Variants in PEPD observed in about 807,000 individuals in gnomAD.
The protein encoded by PEPD is xaa-Pro dipeptidase.
PEPD carries 53 observed loss-of-function variants against 60.7 expected under a neutral mutation model. The ratio of observed to expected loss-of-function variants is 0.87; its 90% CI spans 0.70 to 1.10. The LOEUF (loss-of-function observed/expected upper bound fraction) is 1.10, where lower values mean the gene tolerates loss of function less well. PEPD is among the 50% of genes least tolerant of loss of function. The pLI is 0.00. For missense variants in PEPD, 711 were observed against 711.9 expected (o/e 1.00, Z 0.01); for synonymous variants, 267 against 284.1 (o/e 0.94, Z 0.60).
chr19:33,476,501 C>T (rs1046530077), intron 7 of PEPD, among the ~76,000 whole-genome samples: 1 of 152,058 alleles, frequency 6.6e-6, no homozygotes, highest in African/African-American at 2.4e-5. Context: ...ACCGGTCCCT[C>T]CCAGGAGCTT....
chr19:33,493,493 C>A (rs1452293779), intron 4 of PEPD, 156 bp from the exon 5 acceptor site: 1 of 706,616 alleles, frequency 1.4e-6, no homozygotes, highest in East Asian at 2.7e-5. Context: ...GTGAAGAAAC[C>A]CAGCTTCCCC....
intron 9 of PEPD, among the ~76,000 whole-genome samples, chr19:33,419,845 A>G (rs1048801189): frequency 3.3e-5 from 5 of 151,908 alleles, no homozygotes; most frequent in Admixed American, 2.6e-4. Flanking sequence ...GGTGGAAAGC[A>G]GGAGCTGGGG....
intron 12 of PEPD, among the ~76,000 whole-genome samples, chr19:33,396,643 A>G (rs1043715452): frequency 8.3e-6 from 1 of 119,964 alleles, no homozygotes; most frequent in Non-Finnish European, 1.6e-5. Context: ...CCCCAGTGAC[A>G]GGGGCACAGG....
At chr19:33,389,709 G>C (rs1968166976) in intron 13 of PEPD, among the ~76,000 whole-genome samples, 1 of 152,244 alleles carries the variant, frequency 6.6e-6, no homozygotes, top group African/African-American at 2.4e-5. Flanking sequence ...TTTCCCCAGA[G>C]AAACGAACTT....
At chr19:33,458,702 G>GTGGT in intron 9 of PEPD, among the ~76,000 whole-genome samples, 2 of 61,170 alleles carry the variant, frequency 3.3e-5, no homozygotes, top group East Asian at 5.5e-4. Flanking sequence ...TGTGGTGTGT[G>GTGGT]GTATGTGGCA....
intron 9 of PEPD, among the ~76,000 whole-genome samples, chr19:33,446,559 G>A (rs984702907): frequency 6.6e-6 from 1 of 152,242 alleles, no homozygotes; most frequent in Non-Finnish European, 1.5e-5. Context: ...CGACCTCTCA[G>A]CACAGGGTGG....
intron 7 of PEPD, among the ~76,000 whole-genome samples, chr19:33,473,227 G>C (rs994202060): frequency 6.6e-6 from 1 of 152,064 alleles, no homozygotes; most frequent in Admixed American, 6.5e-5. Context: ...TGGCTTTCTT[G>C]CTGGCGTAGG....
intron 9 of PEPD, among the ~76,000 whole-genome samples, chr19:33,417,166 G>A (rs62102720): frequency 0.14 from 20,643 of 152,322 alleles, 1,702 homozygotes; most frequent in Non-Finnish European, 0.19. Flanking sequence ...CCTCGAGCAT[G>A]GGTGGGGTAG....
intron 11 of PEPD, among the ~76,000 whole-genome samples, chr19:33,407,338 C>A (rs901709550): frequency 6.6e-6 from 1 of 152,252 alleles, no homozygotes; most frequent in South Asian, 2.1e-4. Flanking sequence ...GTGGACCATG[C>A]GCCCCCTGCC....
intron 13 of PEPD, 136 bp from the exon 14 acceptor site, chr19:33,388,217 G>A (rs1968127057): frequency 2.6e-6 from 2 of 773,152 alleles, no homozygotes; most frequent in Non-Finnish European, 2.2e-6. Flanking sequence ...GCCTAGACTC[G>A]CCCCTGCTGT....
chr19:33,414,923 G>A lies in PEPD; in HGVS notation c.672-1280C>T, dbSNP rs116766871. ...AAGCCACATGCTCCTCTCCTCAGCC[G>A]CCCCCGTATTCGTGGTGCAAGCGCT... On this transcript the variant is annotated intron_variant, in intron 9 of 14. Transcript: ENST00000244137. Among the ~76,000 whole-genome samples the A allele has an allele frequency of 5.9e-3, 903 of 152,248 alleles. 9 individuals carry two copies. Among genetic ancestry groups the A allele is most frequent in the African/African-American group, 0.02 (832 of 41,554 alleles).
At chr19:33,422,600 T>C (rs1401352454) in intron 9 of PEPD, among the ~76,000 whole-genome samples, 1 of 147,146 alleles carries the variant, frequency 6.8e-6, no homozygotes, top group Non-Finnish European at 1.5e-5. Flanking sequence ...GCAATCCAAC[T>C]ACCCATCCAT....
At chr19:33,394,644 G>C (rs933877924) in intron 12 of PEPD, among the ~76,000 whole-genome samples, 4 of 152,226 alleles carry the variant, frequency 2.6e-5, no homozygotes, top group Non-Finnish European at 5.9e-5. Flanking sequence ...CTGGCAGGGT[G>C]GGCACCAACT....
chr19:33,450,891 G>A (rs550555750), intron 9 of PEPD, among the ~76,000 whole-genome samples: 7 of 152,232 alleles, frequency 4.6e-5, no homozygotes, highest in Middle Eastern at 3.4e-3. Flanking sequence ...CCACCAGTGC[G>A]CCATGTCAGT....
intron 7 of PEPD, among the ~76,000 whole-genome samples, chr19:33,464,366 G>A (rs1331185327): frequency 6.6e-6 from 1 of 152,230 alleles, no homozygotes. Context: ...GCTGCAGCTT[G>A]TCACAGGCTG....
chr19:33,454,009 T>C (rs1281876734), intron 9 of PEPD, among the ~76,000 whole-genome samples: 1 of 152,168 alleles, frequency 6.6e-6, no homozygotes, highest in Non-Finnish European at 1.5e-5. Context: ...ATAAAATTCA[T>C]CTAAGGTGCA....
intron 12 of PEPD, among the ~76,000 whole-genome samples, chr19:33,401,437 C>T (rs1040437418): frequency 5.9e-5 from 9 of 152,350 alleles, no homozygotes; most frequent in Middle Eastern, 3.4e-3. Flanking sequence ...GACAGGCTGG[C>T]GTGCTAGTGG....
At chr19:33,486,072 T>C (rs879383942) in intron 6 of PEPD, among the ~76,000 whole-genome samples, 1 of 152,052 alleles carries the variant, frequency 6.6e-6, no homozygotes, top group Non-Finnish European at 1.5e-5. Context: ...TCTCCTGCTC[T>C]CAGGAAAACC....
intron 2 of PEPD, chr19:33,511,358 C>T (rs2145353865): frequency 1.7e-6 from 1 of 582,344 alleles, no homozygotes; most frequent in East Asian, 3.3e-5. Context: ...CTGGCAGCTC[C>T]TCTACCCTGC....
Sources: allele counts gnomAD v4.1 joint callset (sites outside exome capture counted in the v4.1 genomes callset), GRCh38; gene constraint gnomAD v4.1.1; transcripts MANE v1.5; gene names NCBI Gene and HGNC (gene_info 2026-07-23, HGNC 2026-07-21).